Variants in ZMAT4 observed in about 807,000 individuals in gnomAD.
ZMAT4 encodes the protein zinc finger matrin-type 4, also known as zinc finger matrin-type protein 4.
ZMAT4 carries 17 observed loss-of-function variants against 28.7 expected under a neutral mutation model. The observed-to-expected ratio is 0.59, with a 90% CI of 0.41 to 0.89. The LOEUF (loss-of-function observed/expected upper bound fraction) is 0.89. Among genes scored for constraint, ZMAT4 ranks in the 40% least tolerant of loss-of-function variants. The probability of loss-of-function intolerance (pLI) is 0.00; values close to 1 mark genes in which losing one functional copy is unlikely to be tolerated. For synonymous variants in ZMAT4, 117 were observed against 109.2 expected (o/e 1.07, Z -0.44); for missense variants, 240 against 283.8 (o/e 0.85, Z 1.11).
At chr8:40,811,309 A>AC in intron 2 of ZMAT4, among the ~76,000 whole-genome samples, 1 of 152,030 alleles carries the variant, frequency 6.6e-6, no homozygotes, top group South Asian at 2.1e-4. Flanking sequence ...CACAACTGTG[A>AC]CCCCCAGACC....
intron 3 of ZMAT4, among the ~76,000 whole-genome samples, chr8:40,748,560 G>A (rs1812332148): frequency 6.6e-6 from 1 of 152,148 alleles, no homozygotes; most frequent in South Asian, 2.1e-4. Flanking sequence ...AAATATTGGG[G>A]CTGGATCACA....
intron 3 of ZMAT4, among the ~76,000 whole-genome samples, chr8:40,740,311 G>T (rs1221403327): frequency 1.3e-5 from 2 of 152,114 alleles, no homozygotes; most frequent in African/African-American, 2.4e-5. Context: ...GTTGCTTCCT[G>T]CCTTTTTAAT....
chr8:40,662,278 GCCCAGGTAAGTA>G (rs1262585767), intron 5 of ZMAT4, among the ~76,000 whole-genome samples: 1 of 152,068 alleles, frequency 6.6e-6, no homozygotes, highest in African/African-American at 2.4e-5. Context: ...ACCACACCCG[GCCCAGGTAAGTA>G]CTTTGGATAT....
intron 1 of ZMAT4, among the ~76,000 whole-genome samples, chr8:40,863,566 G>T (rs1339169859): frequency 6.6e-6 from 1 of 152,166 alleles, no homozygotes; most frequent in Non-Finnish European, 1.5e-5. Context: ...TAGATGATGG[G>T]TTCAGTTCAC....
intron 5 of ZMAT4, among the ~76,000 whole-genome samples, chr8:40,594,820 T>C (rs970524126): frequency 6.6e-6 from 1 of 152,244 alleles, no homozygotes; most frequent in Non-Finnish European, 1.5e-5. Flanking sequence ...ACCCATCTTT[T>C]TTGACAGGTC....
At chr8:40,813,293 A>G (rs1456819280) in intron 2 of ZMAT4, among the ~76,000 whole-genome samples, 1 of 151,976 alleles carries the variant, frequency 6.6e-6, no homozygotes, top group African/African-American at 2.4e-5. Flanking sequence ...GGGGATGGGT[A>G]TGAGAAAAGG....
At chr8:40,664,502 C>A (rs1424522950) in intron 5 of ZMAT4, among the ~76,000 whole-genome samples, 1 of 152,216 alleles carries the variant, frequency 6.6e-6, no homozygotes, top group Non-Finnish European at 1.5e-5. Flanking sequence ...ATCCATCTGT[C>A]CTGCCCTCTG....
intron 1 of ZMAT4, among the ~76,000 whole-genome samples, chr8:40,878,865 T>G (rs1186214303): frequency 6.6e-6 from 1 of 152,200 alleles, no homozygotes; most frequent in Non-Finnish European, 1.5e-5. Context: ...CAGCCCCATG[T>G]TCTATTAGCA....
At chr8:40,806,129 A>G (rs1273562747) in intron 2 of ZMAT4, among the ~76,000 whole-genome samples, 2 of 152,214 alleles carry the variant, frequency 1.3e-5, no homozygotes, top group African/African-American at 4.8e-5. Context: ...CCAAAACGGT[A>G]AAGGTCTAAA....
chr8:40,663,956 C>T (rs1035121568), intron 5 of ZMAT4, among the ~76,000 whole-genome samples: 3 of 152,126 alleles, frequency 2.0e-5, no homozygotes, highest in African/African-American at 7.2e-5. Context: ...ACACTAGTTT[C>T]TGTCAAGTAT....
intron 1 of ZMAT4, among the ~76,000 whole-genome samples, chr8:40,853,137 AT>A (rs1817171383): frequency 6.6e-6 from 1 of 152,208 alleles, no homozygotes; most frequent in Non-Finnish European, 1.5e-5. Context: ...AAACAATTGC[AT>A]TAAGTGTTTT....
At chr8:40,550,198 C>T (rs1487080931) in intron 6 of ZMAT4, among the ~76,000 whole-genome samples, 1 of 152,206 alleles carries the variant, frequency 6.6e-6, no homozygotes, top group East Asian at 1.9e-4. Flanking sequence ...CTTCTGGAAA[C>T]CAGAGGGCTC....
chr8:40,709,013 G>T (rs13277713), intron 3 of ZMAT4, among the ~76,000 whole-genome samples: 2,480 of 152,184 alleles, frequency 0.016, 29 homozygotes, highest in Non-Finnish European at 0.026. Flanking sequence ...AGTATAAGCA[G>T]TCATCCTTCA....
intron 3 of ZMAT4, among the ~76,000 whole-genome samples, chr8:40,749,623 G>C (rs986627364): frequency 6.6e-6 from 1 of 152,184 alleles, no homozygotes; most frequent in Non-Finnish European, 1.5e-5. Flanking sequence ...CAGGCTTTGA[G>C]GGGAAGAATT....
chr8:40,738,726 G>A (rs1370245749), intron 3 of ZMAT4, among the ~76,000 whole-genome samples: 3 of 152,256 alleles, frequency 2.0e-5, no homozygotes, highest in Admixed American at 2.0e-4. Flanking sequence ...CTGTGAAAAG[G>A]TTGAGTATAA....
At chr8:40,810,952 C>A (rs1208286986) in intron 2 of ZMAT4, among the ~76,000 whole-genome samples, 1 of 151,940 alleles carries the variant, frequency 6.6e-6, no homozygotes, top group African/African-American at 2.4e-5. Context: ...TAAGAAAATA[C>A]AATTTAAAAT....
chr8:40,532,283 C>T (rs762326171), intron 6 of ZMAT4, 45 bp from the exon 7 acceptor site: 1 of 1,549,194 alleles, frequency 6.5e-7, no homozygotes. Context: ...TTCATAATTA[C>T]AAATTCCAAC....
At chr8:40,848,816 G>T (rs1263284492) in intron 1 of ZMAT4, among the ~76,000 whole-genome samples, 5 of 152,180 alleles carry the variant, frequency 3.3e-5, no homozygotes, top group Admixed American at 6.5e-5. Context: ...ATTGGGGGTG[G>T]TTGTATAATT....
At chr8:40,694,897 T>G (rs547286064) in intron 4 of ZMAT4, among the ~76,000 whole-genome samples, 2 of 152,116 alleles carry the variant, frequency 1.3e-5, no homozygotes, top group East Asian at 3.9e-4. Flanking sequence ...ATAAAGAAAT[T>G]ATCTGTTTGA....
Sources: allele counts gnomAD v4.1 joint callset (sites outside exome capture counted in the v4.1 genomes callset), GRCh38; gene constraint gnomAD v4.1.1; transcripts MANE v1.5; gene names NCBI Gene and HGNC (gene_info 2026-07-23, HGNC 2026-07-21).